Variants in IQSEC3 observed in about 807,000 individuals in gnomAD.
The protein encoded by IQSEC3 is IQ motif and Sec7 domain ArfGEF 3.
IQSEC3 carries 50 observed loss-of-function variants against 105.4 expected under a neutral mutation model. The ratio of observed to expected loss-of-function variants is 0.47; its 90% CI spans 0.38 to 0.60. The LOEUF (loss-of-function observed/expected upper bound fraction) is 0.60. IQSEC3 is among the 20% of genes least tolerant of loss of function. The pLI is 0.00. For missense variants in IQSEC3, 1,415 were observed against 1,630.0 expected (o/e 0.87, Z 2.27); for synonymous variants, 708 against 746.0 (o/e 0.95, Z 0.83).
At position 151,527 on chromosome 12, in the gene IQSEC3, C is replaced by T. The variant is rs150298746; in HGVS notation, c.2154-5498C>T. ...CCTCTGCAGTAGCATCCTAACTGGG[C>T]CCCTGCTTCTGTCTTCTTCCCTGCC... On this transcript the variant is annotated intron_variant, in intron 5 of 13. Transcript: ENST00000538872. Among the ~76,000 whole-genome samples the T allele has an allele frequency of 2.2e-3, 334 of 152,312 alleles. 1 individual carries two copies. Among genetic ancestry groups the T allele is most frequent in the African/African-American group, 7.6e-3 (315 of 41,564 alleles).
intron 1 of IQSEC3, among the ~76,000 whole-genome samples, chr12:71,422 A>G (rs1555067491): frequency 6.6e-6 from 1 of 152,294 alleles, no homozygotes; most frequent in Admixed American, 6.5e-5. Flanking sequence ...AGAAATGCCT[A>G]AACAAGTGTA....
At chr12:149,039 A>G (rs1555091851) in intron 5 of IQSEC3, 1 of 152,156 alleles carries the variant, frequency 6.6e-6, no homozygotes, top group Non-Finnish European at 1.5e-5. Context: ...GATTCCACGC[A>G]CAGATCAATG....
chr12:165,337 T>C (rs570145362), intron 9 of IQSEC3, 97 bp from the exon 10 acceptor site: 3 of 850,860 alleles, frequency 3.5e-6, no homozygotes, highest in South Asian at 2.8e-5. Context: ...CATCACTGCG[T>C]GGGTTTGTGT....
At chr12:171,547 C>T (rs956438031) in intron 13 of IQSEC3, 15 of 591,896 alleles carry the variant, frequency 2.5e-5, no homozygotes, top group East Asian at 8.4e-5. Flanking sequence ...CCCCACATCC[C>T]GTTCCCCAAG....
intron 7 of IQSEC3, among the ~76,000 whole-genome samples, chr12:160,463 G>T (rs1866849883): frequency 6.6e-6 from 1 of 152,104 alleles, no homozygotes. Context: ...GTATGATTCT[G>T]GCTGCCAGAG....
Position 175,259 on chromosome 12 carries a change from A to G in IQSEC3, c.*226A>G, listed in dbSNP as rs953782767. 3.9e-6 allele frequency: 2 copies of G among 509,514 alleles called. No individual in the cohort carries two copies. Among genetic ancestry groups the G allele is most frequent in the Non-Finnish European group, 6.9e-6 (2 of 289,842 alleles). The allele number at this position is 509,514 out of a possible 1,614,324, so 31.6% of individuals were successfully genotyped here. A position where few individuals can be genotyped will look rare whatever the true frequency, so the allele number is the denominator to read the frequency against. On this transcript the variant is annotated 3_prime_UTR_variant, in exon 14 of 14. Transcript: ENST00000538872. ...ATCTGAAGACACACCTCACTCTCCC[A>G]GGGCCCTACACAGCCAGACCCGGCG...
At position 174,674 on chromosome 12, in the gene IQSEC3, C is replaced by T; in HGVS notation, c.3190C>T (p.Pro1064Ser). 1.3e-6 allele frequency: 2 copies of T among 1,590,930 alleles called. No homozygotes were observed. Among genetic ancestry groups the T allele is most frequent in the Admixed American group, 1.7e-5 (1 of 59,116 alleles). The change falls in exon 14 of 14, where the codon CCG (proline) becomes TCG (serine). Residue 1064 changes from proline (P) to serine (S), a missense_variant. By Grantham distance (74) the Pro-to-Ser change is moderately conservative. Coordinates refer to ENST00000538872, the MANE Select transcript of IQSEC3 (RefSeq NM_001170738.2). Reference protein sequence around the residue: ...LGAERGAPVPPPDLQPSPPRQ... With the variant: ...LGAERGAPVPSPDLQPSPPRQ... The stretch of plus-strand genomic sequence containing the variant: ...GGCCGAGAGGGGAGCGCCGGTGCCG[C>T]CGCCAGACCTGCAGCCTAGCCCCCC...
chr12:173,550 C>T (rs1939118015), intron 13 of IQSEC3, among the ~76,000 whole-genome samples: 1 of 152,118 alleles, frequency 6.6e-6, no homozygotes, highest in Admixed American at 6.5e-5. Flanking sequence ...CTGCAGCTTC[C>T]CTTTCCCTCT....
intron 6 of IQSEC3, among the ~76,000 whole-genome samples, 158 bp from the exon 7 acceptor site, chr12:157,370 T>G (rs998347569): frequency 6.7e-6 from 1 of 149,784 alleles, no homozygotes; most frequent in Non-Finnish European, 1.5e-5. Flanking sequence ...CATTTGGGGG[T>G]GTGGGGAAAA....
At chr12:136,250 C>T (rs1035163095) in intron 3 of IQSEC3, among the ~76,000 whole-genome samples, 3 of 144,212 alleles carry the variant, frequency 2.1e-5, no homozygotes, top group African/African-American at 7.5e-5. Flanking sequence ...AATGATGTCC[C>T]CAGGTTTGGG....
At chr12:118,294 C>A (rs1247867267) in intron 2 of IQSEC3, among the ~76,000 whole-genome samples, 3 of 152,124 alleles carry the variant, frequency 2.0e-5, no homozygotes, top group Non-Finnish European at 4.4e-5. Context: ...CCTCCACCCC[C>A]CTCATGCCAT....
intron 3 of IQSEC3, among the ~76,000 whole-genome samples, chr12:131,211 C>T (rs942971850): frequency 6.6e-6 from 1 of 152,242 alleles, no homozygotes; most frequent in East Asian, 1.9e-4. Context: ...CCCCGCGCCC[C>T]TGCCGCTGCT....
intron 3 of IQSEC3, among the ~76,000 whole-genome samples, chr12:130,425 A>C (rs540139201): frequency 2.5e-4 from 38 of 152,330 alleles, no homozygotes; most frequent in African/African-American, 9.1e-4. Context: ...CTAGGAAGTA[A>C]TGCAGCCAAG....
intron 1 of IQSEC3, among the ~76,000 whole-genome samples, chr12:69,713 T>C (rs1863236817): frequency 6.6e-6 from 1 of 152,286 alleles, no homozygotes; most frequent in Non-Finnish European, 1.5e-5. Flanking sequence ...TGGTTGAATA[T>C]CTTCTGGACC....
rs1866540288 is a variant in IQSEC3, at chr12:152,397, T to TGCATTAGTGCCAGCCAC, written c.2154-4627_2154-4611dup. Among the ~76,000 whole-genome samples the TGCATTAGTGCCAGCCAC allele has an allele frequency of 1.3e-5, 2 of 152,058 alleles. No individual in the cohort carries two copies. Among genetic ancestry groups the TGCATTAGTGCCAGCCAC allele is most frequent in the Admixed American group, 1.3e-4 (2 of 15,270 alleles). On this transcript the variant is annotated intron_variant, in intron 5 of 13. Transcript: ENST00000538872. This position sits in a 1 kb window ranked among gnomAD's most constrained non-coding sequence, Gnocchi z 4.8. The stretch of plus-strand genomic sequence containing the variant: ...TAAGATCACAGCCCCTAGGAAGACA[T>TGCATTAGTGCCAGCCAC]GCATTAGTGCCAGCCACTGAGCAGC...
intron 5 of IQSEC3, among the ~76,000 whole-genome samples, chr12:146,955 C>G (rs1289702916): frequency 3.3e-5 from 5 of 152,230 alleles, no homozygotes; most frequent in Non-Finnish European, 7.3e-5. Flanking sequence ...TTCTCCTGAA[C>G]AGTCAACAGT....
At chr12:121,509 C>T (rs1274632900) in intron 2 of IQSEC3, among the ~76,000 whole-genome samples, 2 of 152,200 alleles carry the variant, frequency 1.3e-5, no homozygotes, top group Non-Finnish European at 2.9e-5. Flanking sequence ...GGAATCCCCA[C>T]ATCATGGGTC....
rs1311789663 is a variant in IQSEC3 at position 78,294 on chromosome 12, C to CGGGTGCTGGGTGCT, written c.554+10865_554+10878dup. Among the ~76,000 whole-genome samples the CGGGTGCTGGGTGCT allele has an allele frequency of 9.3e-3, 1,411 of 151,320 alleles. 13 individuals carry two copies. The highest frequency in any genetic ancestry group is 0.03 in the African/African-American group (1,235 of 41,324). ...AGCATCGGGGCCGCGGCCTTCGGGCCGGGTGCTGGGTGCTGGGTGCGCGCC... is the reference window on the plus strand; with the variant it reads ...AGCATCGGGGCCGCGGCCTTCGGGCCGGGTGCTGGGTGCTGGGTGCTGGGTGCTGGGTGCGCGCC... On this transcript the variant is annotated intron_variant, in intron 1 of 13. Transcript: ENST00000538872.
At chr12:105,628 G>C (rs538483086) in intron 2 of IQSEC3, among the ~76,000 whole-genome samples, 1 of 152,314 alleles carries the variant, frequency 6.6e-6, no homozygotes, top group Admixed American at 6.5e-5. Context: ...CATTTGTCCT[G>C]AATCGCCAGA....
Sources: gnomAD v4.1 joint callset for allele counts (sites outside exome capture counted in the v4.1 genomes callset) on GRCh38, gnomAD v4.1.1 for gene constraint, Gnocchi (gnomAD v3.1) non-coding constraint, MANE v1.5 for transcripts, NCBI Gene and HGNC (gene_info 2026-07-23, HGNC 2026-07-21) for gene names.